Variants in PALS2 observed in about 807,000 individuals in gnomAD.
PALS2 encodes the protein protein PALS2.
Under a neutral mutation model 61.6 loss-of-function variants are expected in PALS2, and 27 were observed. The observed-to-expected ratio is 0.44, with a 90% CI of 0.32 to 0.60. PALS2 has a LOEUF of 0.60. PALS2 is among the 20% of genes least tolerant of loss of function. PALS2 has a pLI of 0.05. For missense variants in PALS2, 554 were observed against 639.4 expected (o/e 0.87, Z 1.44); for synonymous variants, 236 against 218.6 (o/e 1.08, Z -0.70).
At chr7:24,585,681 T>G (rs925938852) in intron 1 of PALS2, among the ~76,000 whole-genome samples, 4 of 152,110 alleles carry the variant, frequency 2.6e-5, no homozygotes, top group Non-Finnish European at 4.4e-5. Context: ...AATTCTAGAT[T>G]GAAGACTGCA....
rs190121313 is a variant in PALS2, at chr7:24,616,609, T to G, written c.-2-7057T>G. 9.8e-5 allele frequency among the ~76,000 whole-genome samples: 15 copies of G among 152,318 alleles called. No homozygotes were observed. In the East Asian group the frequency reaches 2.9e-3, roughly 29 times the overall value. On this transcript the variant is annotated intron_variant, in intron 1 of 11. Coordinates refer to ENST00000222644, the MANE Select transcript of PALS2 (RefSeq NM_001303037.2). The stretch of plus-strand genomic sequence containing the variant: ...ATGTAATTGACTCTTGTTTTTTAAA[T>G]CCATTCATCCAGTTTATATTTTTTA...
chr7:24,648,505 G>A (rs1785961899), intron 3 of PALS2, among the ~76,000 whole-genome samples: 1 of 151,592 alleles, frequency 6.6e-6, no homozygotes, highest in African/African-American at 2.4e-5. Context: ...TGTTGGCCAG[G>A]CTAGTCTTGA....
intron 1 of PALS2, among the ~76,000 whole-genome samples, chr7:24,605,608 A>T (rs953262838): frequency 2.6e-5 from 4 of 152,166 alleles, no homozygotes; most frequent in African/African-American, 9.6e-5. Context: ...CATAAAGAAT[A>T]GGTCTATAAA....
At chr7:24,594,267 A>G (rs551597380) in intron 1 of PALS2, among the ~76,000 whole-genome samples, 1 of 152,214 alleles carries the variant, frequency 6.6e-6, no homozygotes, top group Non-Finnish European at 1.5e-5. Context: ...GTTTAAGAGA[A>G]TGCTGTGACT....
rs900814843 is a variant in PALS2, at chr7:24,692,861, C to T, written c.*5247C>T. On this transcript the variant is annotated 3_prime_UTR_variant, in exon 12 of 12. Transcript: ENST00000222644. The stretch of plus-strand genomic sequence containing the variant: ...AAATCACTGCAGCCCTACTGTTTTA[C>T]CCATACCATTAATTTAAAAAGGCAT... 6.6e-6 allele frequency: 1 copy of T among 152,098 alleles called. No homozygotes were observed. The highest frequency in any genetic ancestry group is 2.4e-5 in the African/African-American group (1 of 41,424). The allele number at this position is 152,098 out of a possible 1,614,324, so 9.4% of individuals were successfully genotyped here. A position where few individuals can be genotyped will look rare whatever the true frequency, so the allele number is the denominator to read the frequency against.
intron 5 of PALS2, 110 bp from the exon 6 acceptor site, chr7:24,663,480 A>C: frequency 1.9e-6 from 2 of 1,049,176 alleles, no homozygotes; most frequent in African/African-American, 3.3e-5. Flanking sequence ...TATCTGAAGT[A>C]CTAAATACAT....
chr7:24,684,296 C>T (rs1788086572), intron 11 of PALS2, among the ~76,000 whole-genome samples: 1 of 152,196 alleles, frequency 6.6e-6, no homozygotes, highest in African/African-American at 2.4e-5. Context: ...GATGGCGTTT[C>T]ACCATGTTGG....
chr7:24,581,357 AC>A (rs1037731788), intron 1 of PALS2, among the ~76,000 whole-genome samples: 4 of 151,254 alleles, frequency 2.6e-5, no homozygotes, highest in African/African-American at 7.3e-5. Flanking sequence ...CTCTGGAATA[AC>A]CTCCCCATCA....
intron 4 of PALS2, 110 bp downstream of exon 4, chr7:24,649,874 T>G (rs1786050048): frequency 3.7e-6 from 4 of 1,070,078 alleles, no homozygotes; most frequent in Non-Finnish European, 5.1e-6. Context: ...ATGAAAACTG[T>G]ATTCTTGTTT....
At chr7:24,605,675 T>A (rs1771945151) in intron 1 of PALS2, among the ~76,000 whole-genome samples, 1 of 152,072 alleles carries the variant, frequency 6.6e-6, no homozygotes, top group Admixed American at 6.6e-5. Flanking sequence ...GCATTACCCC[T>A]AGGGAAAGAG....
At chr7:24,631,653 G>A (rs1785000790) in intron 2 of PALS2, among the ~76,000 whole-genome samples, 1 of 152,154 alleles carries the variant, frequency 6.6e-6, no homozygotes, top group Non-Finnish European at 1.5e-5. Flanking sequence ...TGAAAGGAGA[G>A]TCCATCAATG....
chr7:24,610,339 C>A (rs1784069958), intron 1 of PALS2, among the ~76,000 whole-genome samples: 1 of 152,212 alleles, frequency 6.6e-6, no homozygotes, highest in African/African-American at 2.4e-5. Flanking sequence ...TTATGATGAT[C>A]TTATCACCAG....
At chr7:24,678,830 T>A (rs1787763635) in intron 9 of PALS2, among the ~76,000 whole-genome samples, 2 of 152,142 alleles carry the variant, frequency 1.3e-5, no homozygotes, top group South Asian at 4.1e-4. Flanking sequence ...CCCTAAGGTA[T>A]CAAGAAACTT....
Position 24,641,718 on chromosome 7 carries a change from T to C in PALS2, c.120T>C (p.Ala40=). The C allele has an allele frequency of 6.2e-7, 1 of 1,600,764 alleles. No individual in the cohort carries two copies. Among genetic ancestry groups the C allele is most frequent in the Non-Finnish European group, 8.5e-7 (1 of 1,174,498 alleles). Residue 40 remains alanine, a splice_region_variant and synonymous_variant, in exon 3 of 12, where the codon GCT becomes GCC. Coordinates refer to ENST00000222644, the MANE Select transcript of PALS2 (RefSeq NM_001303037.2). ...TTAATATACTCTTATTTTTTCAGGCTCATGAGAGGCTAGAAGATTCCAAAC... is the reference window on the plus strand; with the variant it reads ...TTAATATACTCTTATTTTTTCAGGCCCATGAGAGGCTAGAAGATTCCAAAC... ...ENPIVKSLAK[A]HERLEDSKLE... is the part of the protein sequence containing the mutation.
chr7:24,584,478 T>G (rs1265416075), intron 1 of PALS2, among the ~76,000 whole-genome samples: 364 of 136,998 alleles, frequency 2.7e-3, no homozygotes, highest in Non-Finnish European at 3.3e-3. Flanking sequence ...AAGTGTCTGT[T>G]CATGTCCTTC....
chr7:24,649,872 T>C lies in PALS2; in HGVS notation c.423+108T>C, dbSNP rs527745420. The C allele has an allele frequency of 3.7e-6, 4 of 1,091,984 alleles. No individual in the cohort carries two copies. In the Admixed American group the frequency reaches 9.2e-5, roughly 25 times the overall value. 67.6% of individuals were successfully genotyped at this position (1,091,984 alleles called of 1,614,324 possible). A position where few individuals can be genotyped will look rare whatever the true frequency, so the allele number is the denominator to read the frequency against. On this transcript the variant is annotated intron_variant, in intron 4 of 11. Coordinates refer to ENST00000222644, the MANE Select transcript of PALS2 (RefSeq NM_001303037.2). ...TTCCTTTTCATAATGTTATGAAAAC[T>C]GTATTCTTGTTTGGCCTGTGTATAA...
intron 2 of PALS2, among the ~76,000 whole-genome samples, chr7:24,634,581 T>C (rs893316667): frequency 4.6e-5 from 7 of 152,206 alleles, no homozygotes; most frequent in Admixed American, 2.0e-4. Context: ...TTTTGTCTTT[T>C]GTTGCCTTGT....
At chr7:24,666,443 G>A (rs1350118417) in intron 8 of PALS2, among the ~76,000 whole-genome samples, 2 of 152,124 alleles carry the variant, frequency 1.3e-5, no homozygotes, top group African/African-American at 2.4e-5. Context: ...TTGTCAAGAT[G>A]TTAAAAGAGT....
At chr7:24,639,177 A>G (rs1036963058) in intron 2 of PALS2, among the ~76,000 whole-genome samples, 2 of 152,246 alleles carry the variant, frequency 1.3e-5, no homozygotes, top group Non-Finnish European at 2.9e-5. Flanking sequence ...GAATGAGAAT[A>G]ATGCATCATT....
Sources: gnomAD v4.1 joint callset for allele counts (sites outside exome capture counted in the v4.1 genomes callset) on GRCh38, gnomAD v4.1.1 for gene constraint, MANE v1.5 for transcripts, NCBI Gene and HGNC (gene_info 2026-07-23, HGNC 2026-07-21) for gene names.